ARHGAP10: variants seen among roughly 807,000 people sequenced by gnomAD.
ARHGAP10 encodes Rho GTPase activating protein 10.
A neutral mutation model predicts 108.6 loss-of-function variants in ARHGAP10; 87 were observed. The observed-to-expected ratio is 0.80, with a 90% CI of 0.67 to 0.96. ARHGAP10 has a LOEUF of 0.96. Among genes scored for constraint, ARHGAP10 ranks in the 40% least tolerant of loss-of-function variants. The probability of loss-of-function intolerance (pLI) is 0.00; values close to 1 mark genes in which losing one functional copy is unlikely to be tolerated. For synonymous variants in ARHGAP10, 347 were observed against 341.1 expected (o/e 1.02, Z -0.19); for missense variants, 939 against 954.5 (o/e 0.98, Z 0.21).
intron 1 of ARHGAP10, among the ~76,000 whole-genome samples, chr4:147,740,680 A>G (rs1728620553): frequency 6.6e-6 from 1 of 152,040 alleles, no homozygotes; most frequent in Non-Finnish European, 1.5e-5. Flanking sequence ...GTCTCTCTCA[A>G]TCTCCACCTT....
At chr4:148,064,647 T>TTAGGCTCCCAGACCCCAATGCCAGGG in intron 22 of ARHGAP10, 140 bp downstream of exon 22, 2 of 664,418 alleles carry the variant, frequency 3.0e-6, no homozygotes, top group Non-Finnish European at 5.0e-6. Flanking sequence ...ATTAAGCGGC[T>TTAGGCTCCCAGACCCCAATGCCAGGG]GCGTTAGGCT....
At chr4:147,987,620 A>T (rs1158673800) in intron 18 of ARHGAP10, among the ~76,000 whole-genome samples, 1 of 152,160 alleles carries the variant, frequency 6.6e-6, no homozygotes, top group African/African-American at 2.4e-5. Flanking sequence ...GAATTATCAG[A>T]CTGCGATCTG....
chr4:147,827,275 C>T (rs1317892098), intron 3 of ARHGAP10, among the ~76,000 whole-genome samples: 1 of 151,890 alleles, frequency 6.6e-6, no homozygotes, highest in South Asian at 2.1e-4. Flanking sequence ...TTGCAGAACA[C>T]TCGCCTGAAA....
intron 18 of ARHGAP10, among the ~76,000 whole-genome samples, chr4:148,018,603 G>A (rs990810700): frequency 6.6e-6 from 1 of 151,846 alleles, no homozygotes; most frequent in East Asian, 1.9e-4. Flanking sequence ...CAGAACTGGG[G>A]GCACTGGAAG....
At chr4:147,922,264 C>CA (rs1208869846) in intron 13 of ARHGAP10, among the ~76,000 whole-genome samples, 1 of 151,978 alleles carries the variant, frequency 6.6e-6, no homozygotes, top group Non-Finnish European at 1.5e-5. Flanking sequence ...GGCAGGCACT[C>CA]AGATTACTCT....
intron 18 of ARHGAP10, among the ~76,000 whole-genome samples, chr4:148,004,338 C>T (rs1347402474): frequency 6.6e-6 from 1 of 152,182 alleles, no homozygotes; most frequent in Non-Finnish European, 1.5e-5. Context: ...TAGTCTTCAA[C>T]AGGTGGAAGA....
intron 1 of ARHGAP10, among the ~76,000 whole-genome samples, chr4:147,812,182 G>A (rs1044890409): frequency 1.3e-5 from 2 of 152,134 alleles, no homozygotes; most frequent in Non-Finnish European, 2.9e-5. Context: ...GTGAAGGAGG[G>A]AGTAAAAAGC....
intron 19 of ARHGAP10, among the ~76,000 whole-genome samples, chr4:148,025,487 C>G (rs1217170055): frequency 1.3e-5 from 2 of 151,184 alleles, no homozygotes; most frequent in African/African-American, 4.9e-5. Context: ...CTCCCTTGCC[C>G]TCAGTTTTTT....
At chr4:148,067,036 C>T (rs1729913771) in intron 22 of ARHGAP10, among the ~76,000 whole-genome samples, 1 of 152,306 alleles carries the variant, frequency 6.6e-6, no homozygotes, top group East Asian at 1.9e-4. Flanking sequence ...TCAGGAGCTC[C>T]TCGTTCTGTC....
At chr4:148,008,866 CAGA>C (rs1172234005) in intron 18 of ARHGAP10, among the ~76,000 whole-genome samples, 1 of 151,972 alleles carries the variant, frequency 6.6e-6, no homozygotes. Context: ...ACATTGAATG[CAGA>C]AGGAGACAGA....
chr4:147,963,970 C>T (rs567960323), intron 16 of ARHGAP10, among the ~76,000 whole-genome samples: 2 of 152,336 alleles, frequency 1.3e-5, no homozygotes, highest in South Asian at 4.1e-4. Flanking sequence ...ATGATCTCAT[C>T]TAAACTGACA....
intron 20 of ARHGAP10, among the ~76,000 whole-genome samples, chr4:148,053,789 A>G (rs1729247106): frequency 6.6e-6 from 1 of 152,150 alleles, no homozygotes; most frequent in Non-Finnish European, 1.5e-5. Context: ...ATACACATCC[A>G]TTGTGGCTTG....
At chr4:147,864,301 C>T (rs1734452516) in intron 5 of ARHGAP10, 1 of 152,778 alleles carries the variant, frequency 6.5e-6, no homozygotes, top group Admixed American at 6.5e-5. Context: ...GGCGTCCAGC[C>T]CTGGCCCGCC....
intron 14 of ARHGAP10, among the ~76,000 whole-genome samples, chr4:147,944,081 A>C (rs1333701253): frequency 2.6e-5 from 4 of 152,240 alleles, no homozygotes; most frequent in African/African-American, 7.2e-5. Context: ...GTTGATTGAA[A>C]ATGTTATCTG....
At chr4:147,913,212 C>G (rs1736827596) in intron 13 of ARHGAP10, 73 bp downstream of exon 13, 1 of 1,378,138 alleles carries the variant, frequency 7.3e-7, no homozygotes, top group African/African-American at 1.4e-5. Context: ...AAAAATACTT[C>G]TTGCTTTTAA....
chr4:147,745,247 AG>A (rs1394013109), intron 1 of ARHGAP10: 1 of 152,180 alleles, frequency 6.6e-6, no homozygotes, highest in African/African-American at 2.4e-5. Context: ...AGGGCTGAGA[AG>A]GGAGTGTGAG....
intron 18 of ARHGAP10, among the ~76,000 whole-genome samples, chr4:148,017,652 C>CGATATA (rs1423420352): frequency 9.5e-6 from 1 of 105,334 alleles, no homozygotes; most frequent in Non-Finnish European, 1.8e-5. Flanking sequence ...GAGCCAGTAA[C>CGATATA]TATATATATA....
chr4:147,964,570 G>A (rs1399607616), intron 16 of ARHGAP10, among the ~76,000 whole-genome samples: 1 of 152,166 alleles, frequency 6.6e-6, no homozygotes, highest in Non-Finnish European at 1.5e-5. Context: ...CGAGTTCTAA[G>A]GGCTAGAACT....
chr4:148,006,647 T>C (rs527840757), intron 18 of ARHGAP10, among the ~76,000 whole-genome samples: 1 of 152,342 alleles, frequency 6.6e-6, no homozygotes, highest in African/African-American at 2.4e-5. Context: ...CCTATTGACT[T>C]CCAGAAGAGA....
Sources: gnomAD v4.1 joint callset for allele counts (sites outside exome capture counted in the v4.1 genomes callset) on GRCh38, gnomAD v4.1.1 for gene constraint, MANE v1.5 for transcripts, NCBI Gene and HGNC (gene_info 2026-07-23, HGNC 2026-07-21) for gene names.